The following MDFIC2 variants were observed in gnomAD, a reference collection of about 807,000 sequenced individuals.
The protein encoded by MDFIC2 is MyoD family inhibitor domain containing 2, also known as myoD family inhibitor domain-containing protein 2.
At chr3:70,290,359 A>T (rs1214173283) in intron 2 of MDFIC2, among the ~76,000 whole-genome samples, 1 of 152,156 alleles carries the variant, frequency 6.6e-6, no homozygotes, top group Non-Finnish European at 1.5e-5. Context: ...GGTGCCTCCC[A>T]GTTAGGCTGC....
chr3:70,231,569 C>T (rs1461022620), intron 2 of MDFIC2, among the ~76,000 whole-genome samples: 1 of 152,138 alleles, frequency 6.6e-6, no homozygotes, highest in Non-Finnish European at 1.5e-5. Flanking sequence ...GGATGATTAC[C>T]CCTTAATGGG....
chr3:70,226,418 G>A (rs1012994710), intron 2 of MDFIC2, among the ~76,000 whole-genome samples: 1 of 152,154 alleles, frequency 6.6e-6, no homozygotes, highest in Admixed American at 6.5e-5. Context: ...GGGTGTCTCA[G>A]TGAAATTTTC....
At chr3:70,295,259 A>G (rs991428408) in intron 2 of MDFIC2, among the ~76,000 whole-genome samples, 21 of 152,192 alleles carry the variant, frequency 1.4e-4, no homozygotes, top group Non-Finnish European at 2.4e-4. Context: ...AGTAGCCATT[A>G]TGATTTTTTA....
At chr3:70,266,528 C>T (rs1473153925) in intron 2 of MDFIC2, among the ~76,000 whole-genome samples, 2 of 152,050 alleles carry the variant, frequency 1.3e-5, no homozygotes, top group South Asian at 2.1e-4. Flanking sequence ...TCAAGTGATC[C>T]AGAGTCCTGC....
rs1025341675 is a variant in MDFIC2 at position 70,215,016 on chromosome 3, T to C, written c.89-8226A>G. Reference sequence around the variant, plus strand: ...TTGGTATTACATATACAGTCAATTTTTTTACTATCAGTGTTTAAATATAAA... The same window carrying C: ...TTGGTATTACATATACAGTCAATTTCTTTACTATCAGTGTTTAAATATAAA... On this transcript the variant is annotated intron_variant, in intron 2 of 3. Coordinates refer to ENST00000567252, the MANE Select transcript of MDFIC2 (RefSeq NM_001364677.1). 2.6e-5 allele frequency among the ~76,000 whole-genome samples: 4 copies of C among 152,126 alleles called. No homozygotes were observed. In the East Asian group the frequency reaches 7.7e-4, roughly 29 times the overall value.
chr3:70,296,488 T>A (rs909418177), intron 2 of MDFIC2, among the ~76,000 whole-genome samples: 3 of 152,182 alleles, frequency 2.0e-5, no homozygotes, highest in African/African-American at 7.2e-5. Context: ...TTGGTTAACA[T>A]AATTTTCCAA....
intron 3 of MDFIC2, among the ~76,000 whole-genome samples, chr3:70,201,162 G>T (rs1047657083): frequency 1.3e-5 from 2 of 151,962 alleles, no homozygotes; most frequent in African/African-American, 4.8e-5. Context: ...ATTAAGTCTA[G>T]TACTCATTAT....
At chr3:70,295,626 A>G (rs1214982479) in intron 2 of MDFIC2, among the ~76,000 whole-genome samples, 1 of 152,152 alleles carries the variant, frequency 6.6e-6, no homozygotes, top group African/African-American at 2.4e-5. Context: ...CAAGAGGTTG[A>G]GCCTGCAGTG....
intron 1 of MDFIC2, 40 bp downstream of exon 1, chr3:70,312,511 G>C (rs904421361): frequency 6.6e-6 from 1 of 152,162 alleles, no homozygotes; most frequent in Non-Finnish European, 1.5e-5. Flanking sequence ...TGGCTTGCTC[G>C]CAATGAGCTC....
intron 3 of MDFIC2, among the ~76,000 whole-genome samples, chr3:70,199,476 T>C (rs1304218496): frequency 1.3e-5 from 2 of 152,208 alleles, no homozygotes; most frequent in African/African-American, 4.8e-5. Flanking sequence ...CATTTTTTTC[T>C]GTTTCTAAGT....
chr3:70,282,971 T>C (rs1702104071), intron 2 of MDFIC2, among the ~76,000 whole-genome samples: 1 of 152,094 alleles, frequency 6.6e-6, no homozygotes, highest in South Asian at 2.1e-4. Flanking sequence ...GGCAGGCCTG[T>C]CACTCAGAAT....
At chr3:70,284,207 TTAACTACC>T (rs1255445401) in intron 2 of MDFIC2, among the ~76,000 whole-genome samples, 1 of 152,182 alleles carries the variant, frequency 6.6e-6, no homozygotes. Flanking sequence ...TTAATGAATA[TTAACTACC>T]AAGAAATGTG....
intron 2 of MDFIC2, among the ~76,000 whole-genome samples, chr3:70,300,872 C>T (rs113173493): frequency 2.0e-4 from 30 of 152,044 alleles, no homozygotes; most frequent in African/African-American, 5.3e-4. Flanking sequence ...TATTCATGTC[C>T]TATAAACACA....
In MDFIC2 at chr3:70,195,646, C is replaced by G. The variant is rs960029420; in HGVS notation, c.*1280G>C. ...TACACACAAAAAAATTCCCTCAATT[C>G]TCCATTTCACTTTTGTGTTCTTTGT... is the stretch of plus-strand genomic sequence containing the variant. On this transcript the variant is annotated 3_prime_UTR_variant, in exon 4 of 4. Coordinates refer to ENST00000567252, the MANE Select transcript of MDFIC2 (RefSeq NM_001364677.1). Among the ~76,000 whole-genome samples, 1 of 152,118 alleles carries G rather than the reference C, an allele frequency of 6.6e-6. No homozygotes were observed. The highest frequency in any genetic ancestry group is 1.5e-5 in the Non-Finnish European group (1 of 68,012).
intron 2 of MDFIC2, chr3:70,272,441 C>G (rs914550565): frequency 2.6e-5 from 4 of 152,224 alleles, no homozygotes; most frequent in African/African-American, 9.6e-5. Flanking sequence ...TGAGTTCATT[C>G]ATTTGCAATG....
intron 2 of MDFIC2, among the ~76,000 whole-genome samples, chr3:70,235,820 A>T (rs1701601032): frequency 6.6e-6 from 1 of 152,238 alleles, no homozygotes; most frequent in South Asian, 2.1e-4. Flanking sequence ...AAATAATTAT[A>T]GCATTGTTTC....
At chr3:70,213,144 T>G (rs1701366838) in intron 2 of MDFIC2, among the ~76,000 whole-genome samples, 1 of 152,004 alleles carries the variant, frequency 6.6e-6, no homozygotes, top group East Asian at 1.9e-4. Context: ...CTCTTTATTT[T>G]GTTTTTCTTT....
chr3:70,274,086 TGTGTGC>T (rs777501162), intron 2 of MDFIC2, among the ~76,000 whole-genome samples: 118 of 146,684 alleles, frequency 8.0e-4, no homozygotes, highest in African/African-American at 1.5e-3. Flanking sequence ...TGTGTGTGTG[TGTGTGC>T]GCGCGCGCAT....
At chr3:70,209,485 A>G (rs1240240752) in intron 2 of MDFIC2, among the ~76,000 whole-genome samples, 1 of 152,052 alleles carries the variant, frequency 6.6e-6, no homozygotes, top group Non-Finnish European at 1.5e-5. Context: ...GGAGGTAGAT[A>G]TTGTTAGCCT....
Sources: gnomAD v4.1 joint callset for allele counts (sites outside exome capture counted in the v4.1 genomes callset) on GRCh38, gnomAD v4.1.1 for gene constraint, MANE v1.5 for transcripts, NCBI Gene and HGNC (gene_info 2026-07-23, HGNC 2026-07-21) for gene names.